The following DOCK1 variants were observed in gnomAD, a reference collection of about 807,000 sequenced individuals.
DOCK1 encodes dedicator of cytokinesis 1.
In DOCK1, 138 loss-of-function variants were observed where a neutral mutation model predicts 262.7. That is an observed-to-expected ratio of 0.53 (90% confidence interval 0.46 to 0.61). The LOEUF (loss-of-function observed/expected upper bound fraction) is 0.61. Among genes scored for constraint, DOCK1 ranks in the 20% least tolerant of loss-of-function variants. The probability of loss-of-function intolerance (pLI) is 0.00; values close to 1 mark genes in which losing one functional copy is unlikely to be tolerated. For missense variants in DOCK1, 1,908 were observed against 2,370.7 expected (o/e 0.80, Z 4.05); for synonymous variants, 866 against 867.4 (o/e 1.00, Z 0.03).
chr10:127,425,549 T>C (rs766846154), intron 46 of DOCK1, among the ~76,000 whole-genome samples: 10 of 152,208 alleles, frequency 6.6e-5, no homozygotes, highest in Non-Finnish European at 1.2e-4. Context: ...CCTTTGCTAA[T>C]AGAACAAGTT....
chr10:127,064,301 G>C (rs1397017190), intron 23 of DOCK1, among the ~76,000 whole-genome samples: 1 of 152,126 alleles, frequency 6.6e-6, no homozygotes, highest in East Asian at 1.9e-4. Flanking sequence ...GCAGAGAAAG[G>C]CTCCATCCCC....
At chr10:127,284,699 G>A (rs947721814) in intron 29 of DOCK1, among the ~76,000 whole-genome samples, 2 of 152,176 alleles carry the variant, frequency 1.3e-5, no homozygotes, top group African/African-American at 2.4e-5. Context: ...TTATGGTGAG[G>A]TATTATCATG....
chr10:127,107,087 A>G (rs891012036), intron 24 of DOCK1, among the ~76,000 whole-genome samples: 4 of 152,102 alleles, frequency 2.6e-5, no homozygotes, highest in African/African-American at 9.7e-5. Flanking sequence ...CCTTCAAAGC[A>G]CTGGAATTAC....
intron 27 of DOCK1, among the ~76,000 whole-genome samples, chr10:127,233,806 C>A (rs146591644): frequency 3.0e-4 from 45 of 152,186 alleles, no homozygotes; most frequent in Non-Finnish European, 1.5e-4. Context: ...TATAGTTTGA[C>A]CTTACATATA....
chr10:126,959,119 GA>G (rs1461849588), intron 1 of DOCK1, among the ~76,000 whole-genome samples: 1 of 152,222 alleles, frequency 6.6e-6, no homozygotes, highest in African/African-American at 2.4e-5. Flanking sequence ...GGGATAGATA[GA>G]AAGGGAAAGT....
intron 10 of DOCK1, among the ~76,000 whole-genome samples, chr10:127,002,953 C>T (rs1408035504): frequency 2.0e-5 from 3 of 152,250 alleles, no homozygotes; most frequent in African/African-American, 4.8e-5. Flanking sequence ...AGTGTGGCTT[C>T]TCCTCACTGC....
At chr10:127,238,410 T>G (rs574502753) in intron 27 of DOCK1, among the ~76,000 whole-genome samples, 1 of 152,240 alleles carries the variant, frequency 6.6e-6, no homozygotes, top group African/African-American at 2.4e-5. Flanking sequence ...TACCTCGAGG[T>G]TTCAGTGCCC....
intron 29 of DOCK1, among the ~76,000 whole-genome samples, chr10:127,312,405 G>T (rs2135506074): frequency 6.6e-6 from 1 of 152,278 alleles, no homozygotes; most frequent in African/African-American, 2.4e-5. Flanking sequence ...CAAGAGATCT[G>T]GGCTCCCAGG....
intron 32 of DOCK1, among the ~76,000 whole-genome samples, chr10:127,361,402 C>T (rs1049317785): frequency 5.9e-5 from 9 of 152,104 alleles, no homozygotes; most frequent in East Asian, 1.9e-4. Flanking sequence ...GCGTGAGCCA[C>T]CACACCCGGC....
chr10:127,340,209 A>G (rs979034841), intron 30 of DOCK1, among the ~76,000 whole-genome samples: 4 of 152,176 alleles, frequency 2.6e-5, no homozygotes, highest in Admixed American at 6.5e-5. Flanking sequence ...GCCTGTTTTC[A>G]TATGTCATAA....
chr10:126,953,953 C>T (rs924100139), intron 1 of DOCK1, among the ~76,000 whole-genome samples: 4 of 152,232 alleles, frequency 2.6e-5, no homozygotes, highest in South Asian at 2.1e-4. Context: ...TTAAAACTTC[C>T]GAGTGGTCCT....
At chr10:127,271,273 C>T (rs187715194) in intron 29 of DOCK1, among the ~76,000 whole-genome samples, 114 of 152,198 alleles carry the variant, frequency 7.5e-4, no homozygotes, top group Non-Finnish European at 8.2e-4. Flanking sequence ...GGAAGCTTCA[C>T]GAAATGCCGT....
chr10:127,128,629 G>A (rs1352427776), intron 27 of DOCK1, among the ~76,000 whole-genome samples: 2 of 152,164 alleles, frequency 1.3e-5, no homozygotes, highest in Non-Finnish European at 2.9e-5. Context: ...TTATGAGTGA[G>A]AACATGTGGT....
intron 12 of DOCK1, among the ~76,000 whole-genome samples, chr10:127,014,599 C>T (rs531523514): frequency 3.6e-4 from 55 of 152,320 alleles, no homozygotes; most frequent in Admixed American, 1.1e-3. Context: ...ATCCTGCAAT[C>T]CTTCAAAGAG....
At chr10:127,403,632 G>A (rs1054322366) in intron 39 of DOCK1, among the ~76,000 whole-genome samples, 2 of 152,166 alleles carry the variant, frequency 1.3e-5, no homozygotes, top group Admixed American at 6.5e-5. Context: ...GGTAGCACAC[G>A]CCTGTAGTCC....
chr10:127,275,680 G>T (rs2060715340), intron 29 of DOCK1, among the ~76,000 whole-genome samples: 1 of 152,160 alleles, frequency 6.6e-6, no homozygotes, highest in Non-Finnish European at 1.5e-5. Context: ...AGGAGGGGCT[G>T]GCCTGGAGAG....
chr10:127,296,060 C>T (rs927298390), intron 29 of DOCK1, among the ~76,000 whole-genome samples: 1 of 152,142 alleles, frequency 6.6e-6, no homozygotes, highest in Non-Finnish European at 1.5e-5. Flanking sequence ...CTGGGATTTC[C>T]TTTCCTCTGG....
chr10:126,952,109 GA>G, intron 1 of DOCK1, among the ~76,000 whole-genome samples: 1 of 152,122 alleles, frequency 6.6e-6, no homozygotes, highest in Non-Finnish European at 1.5e-5. Flanking sequence ...CGGCCTCCCA[GA>G]GGGGTGGGAT....
chr10:126,935,289 T>C (rs1207528952), intron 1 of DOCK1, among the ~76,000 whole-genome samples: 2 of 152,246 alleles, frequency 1.3e-5, no homozygotes, highest in African/African-American at 4.8e-5. Flanking sequence ...GTGGCTTTAA[T>C]CTACACTGTG....
Sources: allele counts gnomAD v4.1 joint callset (sites outside exome capture counted in the v4.1 genomes callset), GRCh38; gene constraint gnomAD v4.1.1; transcripts MANE v1.5; gene names NCBI Gene and HGNC (gene_info 2026-07-23, HGNC 2026-07-21).